The following FHIT variants were observed in gnomAD, a reference collection of about 807,000 sequenced individuals.
FHIT encodes the protein fragile histidine triad diadenosine triphosphatase, also known as bis(5'-adenosyl)-triphosphatase.
Under a neutral mutation model 17.9 loss-of-function variants are expected in FHIT, and 19 were observed. The observed-to-expected ratio is 1.06, with a 90% CI of 0.74 to 1.56. The LOEUF (loss-of-function observed/expected upper bound fraction) is 1.56. Among genes scored for constraint, FHIT ranks in the 40% most tolerant of loss-of-function variants. FHIT has a pLI of 0.00. For missense variants in FHIT, 248 were observed against 189.2 expected (o/e 1.31, Z -1.82); for synonymous variants, 81 against 69.7 (o/e 1.16, Z -0.81).
At chr3:60,593,668 G>C (rs372911479) in intron 4 of FHIT, among the ~76,000 whole-genome samples, 24 of 152,218 alleles carry the variant, frequency 1.6e-4, no homozygotes, top group African/African-American at 5.8e-4. Context: ...CACTATGTCT[G>C]ACTATCTGTT....
intron 4 of FHIT, among the ~76,000 whole-genome samples, chr3:60,810,184 T>A (rs185161213): frequency 1.2e-4 from 19 of 152,322 alleles, no homozygotes; most frequent in African/African-American, 4.6e-4. Flanking sequence ...CCCTTCCCTT[T>A]AGTTTTCATC....
At chr3:60,381,478 CA>C (rs370838809) in intron 5 of FHIT, among the ~76,000 whole-genome samples, 378 of 115,186 alleles carry the variant, frequency 3.3e-3, no homozygotes, top group African/African-American at 9.7e-3. Flanking sequence ...AACTCCATCT[CA>C]AAAAAAAAAA....
At chr3:59,869,688 A>G (rs886120713) in intron 8 of FHIT, among the ~76,000 whole-genome samples, 2 of 150,434 alleles carry the variant, frequency 1.3e-5, no homozygotes, top group Admixed American at 1.3e-4. Flanking sequence ...ACAGGGTTTC[A>G]TCATGTTAGC....
chr3:60,396,075 G>A (rs538032665), intron 5 of FHIT, among the ~76,000 whole-genome samples: 6 of 152,032 alleles, frequency 3.9e-5, no homozygotes, highest in South Asian at 2.1e-4. Flanking sequence ...GGCTGATACC[G>A]CACTTGCTAC....
chr3:59,917,177 T>C (rs755115755), intron 8 of FHIT, among the ~76,000 whole-genome samples: 13 of 152,232 alleles, frequency 8.5e-5, no homozygotes, highest in East Asian at 1.9e-4. Context: ...AGCCAAGCAA[T>C]TGTTTCCCAT....
chr3:60,148,303 C>T (rs1006588058), intron 5 of FHIT, among the ~76,000 whole-genome samples: 9 of 152,134 alleles, frequency 5.9e-5, no homozygotes, highest in Non-Finnish European at 1.2e-4. Flanking sequence ...AATAGTCTTT[C>T]AAACTGGATG....
intron 3 of FHIT, among the ~76,000 whole-genome samples, chr3:60,984,785 GGTGTGTGTGTGTGTGT>G (rs58578875): frequency 6.7e-6 from 1 of 150,050 alleles, no homozygotes; most frequent in Non-Finnish European, 1.5e-5. Context: ...TTCATGAAGG[GGTGTGTGTGTGTGTGT>G]GTGTGTGTGT....
At chr3:60,826,720 C>T (rs1254345759) in intron 3 of FHIT, among the ~76,000 whole-genome samples, 4 of 152,260 alleles carry the variant, frequency 2.6e-5, no homozygotes, top group East Asian at 3.9e-4. Flanking sequence ...ACCAGAACAC[C>T]GGAAGCAGCC....
chr3:60,388,606 C>T (rs914581728), intron 5 of FHIT, among the ~76,000 whole-genome samples: 5 of 152,042 alleles, frequency 3.3e-5, no homozygotes, highest in African/African-American at 7.2e-5. Context: ...CCAAACAAAA[C>T]GAAACCACCA....
At chr3:60,036,547 T>C (rs1027302630) in intron 5 of FHIT, among the ~76,000 whole-genome samples, 2 of 152,212 alleles carry the variant, frequency 1.3e-5, no homozygotes, top group African/African-American at 4.8e-5. Flanking sequence ...TATTTTTTCT[T>C]ATTTATATCA....
intron 5 of FHIT, among the ~76,000 whole-genome samples, chr3:60,230,259 A>C (rs1704428259): frequency 6.6e-6 from 1 of 152,204 alleles, no homozygotes; most frequent in Non-Finnish European, 1.5e-5. Context: ...TTTAAGGGAC[A>C]GCACTAATCT....
intron 4 of FHIT, among the ~76,000 whole-genome samples, chr3:60,616,553 G>A (rs1420399976): frequency 6.6e-6 from 1 of 151,824 alleles, no homozygotes; most frequent in East Asian, 1.9e-4. Flanking sequence ...TGAACAATTG[G>A]GACTTGAAAT....
intron 5 of FHIT, among the ~76,000 whole-genome samples, chr3:60,174,600 T>A (rs1164952772): frequency 6.6e-6 from 1 of 151,954 alleles, no homozygotes; most frequent in Non-Finnish European, 1.5e-5. Flanking sequence ...GAAGTCAAGT[T>A]GGAACCTGAT....
chr3:60,165,665 A>G (rs1359047977), intron 5 of FHIT, among the ~76,000 whole-genome samples: 1 of 152,174 alleles, frequency 6.6e-6, no homozygotes, highest in Non-Finnish European at 1.5e-5. Flanking sequence ...AAATAAGCAA[A>G]GGGAAAAAGT....
intron 5 of FHIT, among the ~76,000 whole-genome samples, chr3:60,367,651 T>TA (rs151253050): frequency 2.0e-5 from 3 of 152,206 alleles, no homozygotes; most frequent in Admixed American, 6.5e-5. Context: ...TGCTTGTTTT[T>TA]AAAAAATATC....
At chr3:61,069,765 A>G (rs1478416672) in intron 2 of FHIT, among the ~76,000 whole-genome samples, 1 of 152,198 alleles carries the variant, frequency 6.6e-6, no homozygotes, top group African/African-American at 2.4e-5. Flanking sequence ...TTCAGGAAGA[A>G]CTGTGGTAAA....
At chr3:60,205,952 CA>C (rs1379405952) in intron 5 of FHIT, among the ~76,000 whole-genome samples, 1 of 149,382 alleles carries the variant, frequency 6.7e-6, no homozygotes, top group Non-Finnish European at 1.5e-5. Flanking sequence ...ACTAAAAATA[CA>C]AAAATAAAAA....
chr3:61,021,322 G>A lies in FHIT; in HGVS notation c.-111+20725C>T, dbSNP rs923322379. Among the ~76,000 whole-genome samples, 11 of 152,214 alleles carry A rather than the reference G, an allele frequency of 7.2e-5. No homozygotes were observed. In the South Asian group the frequency reaches 8.3e-4, roughly 12 times the overall value. ...AATGAAAAAGAACAGAAATCAGGCC[G>A]GGCGCGGTGGCTCACGCCTGTAATC... On this transcript the variant is annotated intron_variant, in intron 3 of 9. Transcript: ENST00000492590.
At chr3:60,554,447 A>G (rs1248979559) in intron 4 of FHIT, among the ~76,000 whole-genome samples, 1 of 152,214 alleles carries the variant, frequency 6.6e-6, no homozygotes, top group East Asian at 1.9e-4. Context: ...CAAAAAATCC[A>G]CAGATATCAC....
Sources: allele counts gnomAD v4.1 joint callset (sites outside exome capture counted in the v4.1 genomes callset), GRCh38; gene constraint gnomAD v4.1.1; transcripts MANE v1.5; gene names NCBI Gene and HGNC (gene_info 2026-07-23, HGNC 2026-07-21).